TRANK1: variants seen among roughly 807,000 people sequenced by gnomAD.
TRANK1 encodes the protein tetratricopeptide repeat and ankyrin repeat containing 1, also known as TPR and ankyrin repeat-containing protein 1.
In TRANK1, 198 loss-of-function variants were observed where a neutral mutation model predicts 266.0. The observed-to-expected ratio is 0.74, with a 90% CI of 0.66 to 0.84. The LOEUF (loss-of-function observed/expected upper bound fraction) is 0.84. Among genes scored for constraint, TRANK1 ranks in the 40% least tolerant of loss-of-function variants. The pLI, the probability that TRANK1 is intolerant of heterozygous loss-of-function variation, is 0.00. For synonymous variants in TRANK1, 1,396 were observed against 1,384.1 expected, an observed-to-expected ratio of 1.01 and a Z score of -0.19; for missense variants, 3,326 against 3,634.6, an observed-to-expected ratio of 0.92 and a Z score of 2.18.
intron 10 of TRANK1, among the ~76,000 whole-genome samples, chr3:36,862,615 T>A (rs890735295): frequency 2.6e-5 from 4 of 152,220 alleles, no homozygotes; most frequent in African/African-American, 4.8e-5. Context: ...AGAATCTCCA[T>A]CCTTCTGATC....
chr3:36,886,413 C>T (rs1169302329), intron 8 of TRANK1, among the ~76,000 whole-genome samples: 1 of 151,818 alleles, frequency 6.6e-6, no homozygotes, highest in Non-Finnish European at 1.5e-5. Context: ...ACCCAGCCAG[C>T]CCTCTCTTTA....
intron 1 of TRANK1, among the ~76,000 whole-genome samples, chr3:36,934,572 C>T (rs190492584): frequency 2.4e-4 from 36 of 152,276 alleles, no homozygotes; most frequent in African/African-American, 7.7e-4. Flanking sequence ...GGTGTCCTAC[C>T]CTCACCCCGC....
At position 36,925,813 on chromosome 3, in the gene TRANK1, T is replaced by C. The variant is rs1484328194; in HGVS notation, c.24-17359A>G. Among the ~76,000 whole-genome samples the C allele has an allele frequency of 2.0e-5, 3 of 152,268 alleles. No individual in the cohort carries two copies. In the East Asian group the frequency reaches 5.8e-4, roughly 29 times the overall value. On this transcript the variant is annotated intron_variant, in intron 1 of 23. Coordinates refer to ENST00000645898, the MANE Select transcript of TRANK1 (RefSeq NM_001329998.2). ...GTTGGCCAGGATGGTCTTGATCTCC[T>C]GACCTCATGATCCACCCACCTTGGC...
chr3:36,847,152 C>T (rs545376895), intron 16 of TRANK1, 48 bp downstream of exon 16: 25 of 1,558,948 alleles, frequency 1.6e-5, no homozygotes, highest in African/African-American at 2.7e-5. Flanking sequence ...AAGCCTTTTT[C>T]ACTACTTCCA....
At chr3:36,886,574 A>G (rs2079609126) in intron 8 of TRANK1, among the ~76,000 whole-genome samples, 2 of 152,282 alleles carry the variant, frequency 1.3e-5, no homozygotes, top group Admixed American at 1.3e-4. Flanking sequence ...TGTGGTGAAA[A>G]GAGTGAAACA....
chr3:36,911,564 C>G (rs959120496), intron 1 of TRANK1, among the ~76,000 whole-genome samples: 9 of 152,166 alleles, frequency 5.9e-5, no homozygotes, highest in African/African-American at 2.2e-4. Flanking sequence ...ATTCACCCAC[C>G]TATGTTTCTG....
Position 36,864,308 on chromosome 3 carries a change from G to C in TRANK1, c.1240+11C>G. 6.7e-7 allele frequency: 1 copy of C among 1,489,912 alleles called. No individual in the cohort carries two copies. The highest frequency in any genetic ancestry group is 8.9e-7 in the Non-Finnish European group (1 of 1,127,410). 92.3% of individuals were successfully genotyped at this position (1,489,912 alleles called of 1,614,324 possible). On this transcript the variant is annotated intron_variant, in intron 10 of 23. Coordinates refer to ENST00000645898, the MANE Select transcript of TRANK1 (RefSeq NM_001329998.2). ...ATTTTTAACATCATTGAACGTTGTG[G>C]AAAAAATTACCTTGCAGAGTAGAAA...
In TRANK1 at chr3:36,829,668, GA is replaced by G. The variant is rs2078669532; in HGVS notation, c.8711-7del. The stretch of plus-strand genomic sequence containing the variant: ...CCGAGTCATCGCCTCCTCCGCTTCA[GA>G]AACCAAAGAACATGGCTCTGAGTAA... On this transcript the variant is annotated splice_polypyrimidine_tract_variant and splice_region_variant and intron_variant, in intron 22 of 23. Coordinates refer to ENST00000645898, the MANE Select transcript of TRANK1 (RefSeq NM_001329998.2). 1 of 1,613,090 alleles carries G rather than the reference GA, an allele frequency of 6.2e-7. No homozygotes were observed. Among genetic ancestry groups the G allele is most frequent in the Non-Finnish European group, 8.5e-7 (1 of 1,179,872 alleles).
At chr3:36,860,405 C>G (rs972629897) in intron 11 of TRANK1, among the ~76,000 whole-genome samples, 19 of 152,212 alleles carry the variant, frequency 1.2e-4, no homozygotes, top group African/African-American at 3.6e-4. Context: ...ACACACCCAG[C>G]CACGCATGAT....
chr3:36,892,868 TATAG>T (rs780557970), intron 6 of TRANK1, 29 bp downstream of exon 6: 113 of 673,428 alleles, frequency 1.7e-4, no homozygotes, highest in Admixed American at 5.6e-4. Context: ...TATATATATA[TATAG>T]ATATATATAG....
At position 36,828,315 on chromosome 3, in the gene TRANK1, C is replaced by T. The variant is rs2078653514; in HGVS notation, c.8870G>A (p.Arg2957Lys). 1 of 1,612,502 alleles carries T rather than the reference C, an allele frequency of 6.2e-7. No individual in the cohort carries two copies. The highest frequency in any genetic ancestry group is 8.5e-7 in the Non-Finnish European group (1 of 1,179,342). The part of the protein sequence containing the change: ...EVEDFGELRP[R>K]RRSRKCGKQR... Reference sequence around the variant, plus strand: ...CTTTCCACATTTCCGAGAACGCCTTCTAGGCCGAAGCTCACCAAAGTCTTC... The same window carrying T: ...CTTTCCACATTTCCGAGAACGCCTTTTAGGCCGAAGCTCACCAAAGTCTTC... Residue 2957 changes from arginine to lysine, a missense_variant, in exon 24 of 24, where the codon AGA becomes AAA. Physicochemically the swap from Arg to Lys is conservative, Grantham distance 26 (BLOSUM62 2). Coordinates refer to ENST00000645898, the MANE Select transcript of TRANK1 (RefSeq NM_001329998.2).
At chr3:36,842,849 G>A in intron 17 of TRANK1, 139 bp from the exon 18 acceptor site, 2 of 754,002 alleles carry the variant, frequency 2.7e-6, no homozygotes, top group Non-Finnish European at 4.5e-6. Flanking sequence ...CTCAGAATGT[G>A]GCTGCATTTG....
intron 1 of TRANK1, among the ~76,000 whole-genome samples, chr3:36,940,019 T>G (rs2080474605): frequency 6.6e-6 from 1 of 151,792 alleles, no homozygotes; most frequent in Non-Finnish European, 1.5e-5. Flanking sequence ...GCCTCCCGAG[T>G]AGCTAGGACT....
At chr3:36,922,500 G>A (rs1051766716) in intron 1 of TRANK1, among the ~76,000 whole-genome samples, 3 of 152,132 alleles carry the variant, frequency 2.0e-5, no homozygotes, top group Non-Finnish European at 2.9e-5. Context: ...AGCTACTCAG[G>A]AGGCTGAGGC....
At chr3:36,846,784 C>T (rs2078920465) in intron 16 of TRANK1, among the ~76,000 whole-genome samples, 2 of 152,270 alleles carry the variant, frequency 1.3e-5, no homozygotes, top group South Asian at 2.1e-4. Flanking sequence ...AGACAGACCC[C>T]GTGTACTCAG....
chr3:36,939,957 C>G (rs2080473703), intron 1 of TRANK1, among the ~76,000 whole-genome samples: 1 of 151,716 alleles, frequency 6.6e-6, no homozygotes, highest in Non-Finnish European at 1.5e-5. Context: ...GTGGTGCAAT[C>G]TTGGCTCACT....
chr3:36,829,794 C>G (rs767014722), intron 22 of TRANK1, 132 bp from the exon 23 acceptor site: 2 of 909,850 alleles, frequency 2.2e-6, no homozygotes, highest in Admixed American at 4.5e-5. Flanking sequence ...CCCTCCTTAT[C>G]GGGTAAGGGA....
At chr3:36,932,440 G>A (rs2080372662) in intron 1 of TRANK1, among the ~76,000 whole-genome samples, 1 of 152,138 alleles carries the variant, frequency 6.6e-6, no homozygotes, top group Non-Finnish European at 1.5e-5. Context: ...TGTGGTGCCT[G>A]TAATCCCAGC....
At position 36,833,823 on chromosome 3, in the gene TRANK1, A is replaced by G. The variant is rs2078732008; in HGVS notation, c.5760T>C (p.Ser1920=). 1 of 1,613,820 alleles carries G rather than the reference A, an allele frequency of 6.2e-7. No individual in the cohort carries two copies. The highest frequency in any genetic ancestry group is 1.7e-5 in the Admixed American group (1 of 59,998). The change falls in exon 22 of 24, where the codon AGT becomes AGC. Residue 1920 remains serine, a synonymous_variant. Transcript: ENST00000645898. ...FYLEAAAKYL[S]ANKMKEMMAV... ...CCATCATTTCCTTCATCTTATTTGCACTCAGATACTTTGCTGCAGCTTCCA... is the reference window on the plus strand; with the variant it reads ...CCATCATTTCCTTCATCTTATTTGCGCTCAGATACTTTGCTGCAGCTTCCA...
Sources: gnomAD v4.1 joint callset for allele counts (sites outside exome capture counted in the v4.1 genomes callset) on GRCh38, gnomAD v4.1.1 for gene constraint, MANE v1.5 for transcripts, NCBI Gene and HGNC (gene_info 2026-07-23, HGNC 2026-07-21) for gene names.